OR7E24: variants seen among roughly 807,000 people sequenced by gnomAD.
OR7E24 encodes the protein olfactory receptor 7E24.
For synonymous variants in OR7E24, 130 were observed against 157.5 expected (o/e 0.83, Z 1.31); for missense variants, 385 against 410.3 (o/e 0.94, Z 0.53).
At chr19:9,235,869 A>G in the OR7E24 span, 6 of 1,608,076 alleles carry the variant, frequency 3.7e-6, no homozygotes, top group Admixed American at 8.3e-5. Flanking sequence ...CCACCTGTGG[A>G]TCTCACCTCT....
At chr19:9,235,935 G>A in the OR7E24 span, 31 of 1,609,876 alleles carry the variant, frequency 1.9e-5, no homozygotes, top group Non-Finnish European at 2.5e-5. Flanking sequence ...GTTCTGCTGT[G>A]ACCCATTCTT....
chr19:9,218,318 C>T, the OR7E24 span, among the ~76,000 whole-genome samples: 1 of 151,918 alleles, frequency 6.6e-6, no homozygotes, highest in Non-Finnish European at 1.5e-5. Flanking sequence ...GTAGTAATAC[C>T]AGCTCTAACA....
At chr19:9,242,475 C>G (rs1229066622), upstream of OR7E24, among the ~76,000 whole-genome samples, 2 of 152,160 alleles carry the variant, frequency 1.3e-5, no homozygotes, top group East Asian at 1.9e-4. Flanking sequence ...ATCTCAAACT[C>G]CTGACCTCAA....
chr19:9,236,031 T>C, the OR7E24 span: 13 of 1,609,622 alleles, frequency 8.1e-6, no homozygotes, highest in Non-Finnish European at 1.1e-5. Context: ...GGAACAAGGA[T>C]GTGAAGGGGG....
the OR7E24 span, among the ~76,000 whole-genome samples, chr19:9,229,974 T>C: frequency 5.3e-5 from 8 of 151,884 alleles, no homozygotes; most frequent in Non-Finnish European, 1.0e-4. Flanking sequence ...GAGTGGGTAC[T>C]GGGCTGTACC....
At chr19:9,244,243 T>C (rs2066123508), upstream of OR7E24, among the ~76,000 whole-genome samples, 1 of 152,176 alleles carries the variant, frequency 6.6e-6, no homozygotes, top group African/African-American at 2.4e-5. Flanking sequence ...AAAAAATGTA[T>C]AAATCCATTA....
the OR7E24 span, chr19:9,206,978 G>C: frequency 6.6e-6 from 1 of 152,162 alleles, no homozygotes; most frequent in Non-Finnish European, 1.5e-5. Flanking sequence ...AAGCACCAGT[G>C]ATAGTTCAGA....
At chr19:9,248,471 C>T (rs2066136498), upstream of OR7E24, among the ~76,000 whole-genome samples, 1 of 152,168 alleles carries the variant, frequency 6.6e-6, no homozygotes, top group Admixed American at 6.5e-5. Flanking sequence ...TTGGCCAGGC[C>T]TCTCTCTGCA....
upstream of OR7E24, among the ~76,000 whole-genome samples, chr19:9,243,033 A>G (rs1267873190): frequency 1.3e-5 from 2 of 152,120 alleles, no homozygotes; most frequent in Non-Finnish European, 2.9e-5. Flanking sequence ...GATAGAAAAG[A>G]TTTGTTCTCT....
At chr19:9,217,640 G>C in the OR7E24 span, among the ~76,000 whole-genome samples, 1 of 152,150 alleles carries the variant, frequency 6.6e-6, no homozygotes, top group Non-Finnish European at 1.5e-5. Flanking sequence ...CCAGGTTCAA[G>C]CGATTCTCCT....
chr19:9,215,553 AAAC>A, the OR7E24 span, among the ~76,000 whole-genome samples: 408 of 152,216 alleles, frequency 2.7e-3, 1 homozygote, highest in African/African-American at 9.4e-3. Context: ...TTTTCAACCC[AAAC>A]AACCTTTATT....
At chr19:9,227,225 C>A in the OR7E24 span, among the ~76,000 whole-genome samples, 1 of 146,694 alleles carries the variant, frequency 6.8e-6, no homozygotes, top group Non-Finnish European at 1.5e-5. Flanking sequence ...GGACATTGAT[C>A]TCATTCTTTC....
At chr19:9,226,256 A>G in the OR7E24 span, among the ~76,000 whole-genome samples, 19 of 152,324 alleles carry the variant, frequency 1.2e-4, no homozygotes, top group Admixed American at 1.2e-3. Flanking sequence ...CAGCCAGGCC[A>G]TTTTTATACT....
At chr19:9,227,141 C>T in the OR7E24 span, among the ~76,000 whole-genome samples, 26 of 152,202 alleles carry the variant, frequency 1.7e-4, no homozygotes, top group African/African-American at 5.8e-4. Context: ...TGAGAACATG[C>T]GGTATTTGCT....
At chr19:9,224,804 T>G in the OR7E24 span, among the ~76,000 whole-genome samples, 24 of 151,552 alleles carry the variant, frequency 1.6e-4, no homozygotes, top group Non-Finnish European at 2.9e-4. Context: ...ATAGATGCAC[T>G]CTGAATTTTG....
At chr19:9,237,547 C>A in the OR7E24 span, among the ~76,000 whole-genome samples, 1 of 152,012 alleles carries the variant, frequency 6.6e-6, no homozygotes, top group Non-Finnish European at 1.5e-5. Flanking sequence ...GATCTCCTGA[C>A]CTTGTGATCC....
chr19:9,229,534 C>CA, the OR7E24 span, among the ~76,000 whole-genome samples: 3,849 of 116,294 alleles, frequency 0.033, 165 homozygotes, highest in African/African-American at 0.12. Flanking sequence ...GATTCTGTCT[C>CA]AAAAAAAAAA....
chr19:9,211,014 G>C, the OR7E24 span: 2 of 152,270 alleles, frequency 1.3e-5, no homozygotes, highest in African/African-American at 4.8e-5. Flanking sequence ...GTCTTGAATG[G>C]TGAGGAACTC....
At chr19:9,244,903 C>T (rs2066124914), upstream of OR7E24, among the ~76,000 whole-genome samples, 1 of 151,950 alleles carries the variant, frequency 6.6e-6, no homozygotes, top group South Asian at 2.1e-4. Flanking sequence ...AAACAAATGC[C>T]CATTAAAAAT....
Sources: gnomAD v4.1 joint callset for allele counts (sites outside exome capture counted in the v4.1 genomes callset) on GRCh38, gnomAD v4.1.1 for gene constraint, MANE v1.5 for transcripts, NCBI Gene and HGNC (gene_info 2026-07-23, HGNC 2026-07-21) for gene names.